CCDC172: variants seen among roughly 807,000 people sequenced by gnomAD.
CCDC172 encodes the protein coiled-coil domain-containing protein 172.
Under a neutral mutation model 38.0 loss-of-function variants are expected in CCDC172, and 30 were observed. That is an observed-to-expected ratio of 0.79 (90% CI 0.59 to 1.07). CCDC172 has a LOEUF of 1.07. Among genes scored for constraint, CCDC172 ranks in the 50% least tolerant of loss-of-function variants. CCDC172 has a pLI of 0.00. For synonymous variants in CCDC172, 78 were observed against 88.3 expected (o/e 0.88, Z 0.66); for missense variants, 297 against 290.1 (o/e 1.02, Z -0.17).
At chr10:116,326,536 CTGGCGAA>C (rs1348171629) in intron 3 of CCDC172, among the ~76,000 whole-genome samples, 2 of 152,208 alleles carry the variant, frequency 1.3e-5, no homozygotes, top group Non-Finnish European at 1.5e-5. Context: ...ACTTCTCCAT[CTGGCGAA>C]TTTCAGCTTT....
chr10:116,373,535 C>G (rs1845211323), intron 7 of CCDC172, among the ~76,000 whole-genome samples: 1 of 152,124 alleles, frequency 6.6e-6, no homozygotes, highest in Non-Finnish European at 1.5e-5. Context: ...GACACAGTCT[C>G]TCTTTGTTGC....
At chr10:116,378,971 A>AT (rs1480434354) in intron 8 of CCDC172, among the ~76,000 whole-genome samples, 1 of 152,084 alleles carries the variant, frequency 6.6e-6, no homozygotes, top group Non-Finnish European at 1.5e-5. Flanking sequence ...TTGGAAATGT[A>AT]TTTTCAGATT....
chr10:116,362,555 C>T (rs933338391), intron 7 of CCDC172, among the ~76,000 whole-genome samples: 21 of 152,166 alleles, frequency 1.4e-4, no homozygotes, highest in South Asian at 2.1e-4. Context: ...TGAATTGTTA[C>T]CCAGGTTCCA....
chr10:116,355,372 G>A (rs1425715406), intron 5 of CCDC172, among the ~76,000 whole-genome samples: 2 of 152,114 alleles, frequency 1.3e-5, no homozygotes. Flanking sequence ...TGAGCAATAG[G>A]CTATACAGTA....
intron 7 of CCDC172, among the ~76,000 whole-genome samples, chr10:116,370,115 C>T (rs1445275331): frequency 1.3e-5 from 2 of 151,280 alleles, no homozygotes; most frequent in Admixed American, 1.3e-4. Flanking sequence ...TTATCTGTGA[C>T]ATATGTGGCA....
intron 3 of CCDC172, among the ~76,000 whole-genome samples, chr10:116,327,074 C>CG (rs987113088): frequency 5.9e-5 from 9 of 152,132 alleles, no homozygotes; most frequent in African/African-American, 2.2e-4. Context: ...TGCAGGGGCA[C>CG]TGTTCTAAAT....
At chr10:116,329,318 G>T (rs563849834) in intron 3 of CCDC172, among the ~76,000 whole-genome samples, 26 of 148,638 alleles carry the variant, frequency 1.7e-4, no homozygotes, top group South Asian at 1.5e-3. Context: ...GGTTTATGGG[G>T]GTGTGAACCT....
chr10:116,351,402 A>C (rs1844928927), intron 5 of CCDC172, among the ~76,000 whole-genome samples: 1 of 152,210 alleles, frequency 6.6e-6, no homozygotes, highest in Admixed American at 6.5e-5. Context: ...CATTGTGAAT[A>C]ATCAAAAATA....
At chr10:116,368,968 A>C (rs1326035973) in intron 7 of CCDC172, among the ~76,000 whole-genome samples, 1 of 151,104 alleles carries the variant, frequency 6.6e-6, no homozygotes, top group East Asian at 2.0e-4. Context: ...ATATCACAAA[A>C]TAATTTTAGA....
At position 116,324,995 on chromosome 10, in the gene CCDC172, A is replaced by C; in HGVS notation, c.-17A>C. On this transcript the variant is annotated 5_prime_UTR_variant, in exon 2 of 9. Transcript: ENST00000333254. ...TATTTAAGGGCGAGAAAAGGATCGC[A>C]GGAGCCAGGCCCTGAGATGAGCTTG... is the stretch of plus-strand genomic sequence containing the variant. The C allele has an allele frequency of 6.2e-7, 1 of 1,609,858 alleles. No individual in the cohort carries two copies. Among genetic ancestry groups the C allele is most frequent in the Non-Finnish European group, 8.5e-7 (1 of 1,176,140 alleles).
intron 3 of CCDC172, among the ~76,000 whole-genome samples, chr10:116,326,350 T>G (rs1844592941): frequency 6.6e-6 from 1 of 152,204 alleles, no homozygotes. Flanking sequence ...GGCCTCGCTA[T>G]GGGTGGGGAC....
intron 5 of CCDC172, among the ~76,000 whole-genome samples, chr10:116,344,666 A>T (rs1217041516): frequency 2.0e-5 from 3 of 152,122 alleles, no homozygotes; most frequent in African/African-American, 7.2e-5. Flanking sequence ...TTGTAAAAAG[A>T]ATTTTTCTTC....
At position 116,342,115 on chromosome 10, in the gene CCDC172, TAAC is replaced by T. The variant is rs752679290; in HGVS notation, c.365_367del (p.Thr122del). On this transcript the variant is annotated inframe_deletion, in exon 5 of 9. Coordinates refer to ENST00000333254, the MANE Select transcript of CCDC172 (RefSeq NM_198515.3). ...ACAGACTTTAATAATGATTATGAAA[TAAC>T]AAAGAAAAGAGAGCTTTTGATGAAA... 5 of 1,551,958 alleles carry T rather than the reference TAAC, an allele frequency of 3.2e-6. No individual in the cohort carries two copies. The highest frequency in any genetic ancestry group is 2.3e-5 in the Admixed American group (1 of 43,306).
At chr10:116,358,491 T>C (rs147596467) in intron 7 of CCDC172, among the ~76,000 whole-genome samples, 77 of 152,260 alleles carry the variant, frequency 5.1e-4, no homozygotes, top group Non-Finnish European at 8.8e-4. Context: ...TCTCATTGAT[T>C]AACAATTTAG....
At chr10:116,341,536 T>C (rs1844795202) in intron 4 of CCDC172, among the ~76,000 whole-genome samples, 7 of 152,100 alleles carry the variant, frequency 4.6e-5, no homozygotes, top group Admixed American at 4.6e-4. Flanking sequence ...AAATGTAAAC[T>C]ATTATTTAAA....
chr10:116,378,475 G>A lies in CCDC172; in HGVS notation c.706G>A (p.Glu236Lys). ...GGAAGATGACATGGAAAGTGTTTATGAAGCTCTCCAAACAGAAATAGAATT... is the reference window on the plus strand; with the variant it reads ...GGAAGATGACATGGAAAGTGTTTATAAAGCTCTCCAAACAGAAATAGAATT... ...YKEDDMESVY[E>K]ALQTEIEFLE... The change falls in exon 8 of 9, where the codon GAA becomes AAA. Residue 236 changes from glutamate to lysine, a missense_variant. Physicochemically the swap from Glu to Lys is moderately conservative, Grantham distance 56. Transcript: ENST00000333254. 1 of 1,604,828 alleles carries A rather than the reference G, an allele frequency of 6.2e-7. No homozygotes were observed. The highest frequency in any genetic ancestry group is 8.5e-7 in the Non-Finnish European group (1 of 1,176,494).
chr10:116,356,612 T>C (rs1181727834), intron 5 of CCDC172, among the ~76,000 whole-genome samples: 1 of 152,012 alleles, frequency 6.6e-6, no homozygotes, highest in Non-Finnish European at 1.5e-5. Context: ...GTTCCAGAAA[T>C]TATGGCAGAA....
intron 5 of CCDC172, among the ~76,000 whole-genome samples, chr10:116,343,340 C>T (rs1293625247): frequency 1.3e-5 from 2 of 152,056 alleles, no homozygotes; most frequent in African/African-American, 2.4e-5. Flanking sequence ...ACTAGTGATA[C>T]TTCTGTTCAG....
At chr10:116,324,809 G>C (rs571438679) in intron 1 of CCDC172, 138 bp from the exon 2 acceptor site, 1 of 579,400 alleles carries the variant, frequency 1.7e-6, no homozygotes, top group East Asian at 2.9e-5. Context: ...AGCGGCCAGC[G>C]TCCCTAGACC....
Sources: allele counts gnomAD v4.1 joint callset (sites outside exome capture counted in the v4.1 genomes callset), GRCh38; gene constraint gnomAD v4.1.1; transcripts MANE v1.5; gene names NCBI Gene and HGNC (gene_info 2026-07-23, HGNC 2026-07-21).